ADCY8: variants seen among roughly 807,000 people sequenced by gnomAD.
ADCY8 encodes the protein adenylate cyclase type 8.
In ADCY8, 51 loss-of-function variants were observed where a neutral mutation model predicts 119.7. The ratio of observed to expected loss-of-function variants is 0.43; its 90% CI spans 0.34 to 0.54. ADCY8 has a LOEUF of 0.54. ADCY8 is among the 20% of genes least tolerant of loss of function. The pLI is 0.03. For missense variants in ADCY8, 1,383 were observed against 1,598.8 expected, an observed-to-expected ratio of 0.87 and a Z score of 2.30; for synonymous variants, 665 against 651.0, an observed-to-expected ratio of 1.02 and a Z score of -0.33.
chr8:130,852,577 C>G (rs1453110154), intron 9 of ADCY8, among the ~76,000 whole-genome samples: 1 of 152,164 alleles, frequency 6.6e-6, no homozygotes, highest in Admixed American at 6.5e-5. Context: ...AAAAATGTCT[C>G]TTTTCAAAGT....
intron 7 of ADCY8, among the ~76,000 whole-genome samples, chr8:130,896,685 A>G (rs1274864907): frequency 6.6e-6 from 1 of 152,162 alleles, no homozygotes; most frequent in Non-Finnish European, 1.5e-5. Flanking sequence ...CTAGTTAGGT[A>G]AGATTTTACC....
At chr8:130,859,853 C>A (rs1213272991) in intron 9 of ADCY8, among the ~76,000 whole-genome samples, 1 of 152,122 alleles carries the variant, frequency 6.6e-6, no homozygotes, top group Non-Finnish European at 1.5e-5. Context: ...TTTACCATTT[C>A]TATAGTTTTG....
intron 1 of ADCY8, among the ~76,000 whole-genome samples, chr8:131,006,602 C>G (rs949690266): frequency 1.6e-4 from 24 of 152,250 alleles, no homozygotes; most frequent in African/African-American, 5.8e-4. Flanking sequence ...GCATATGGAA[C>G]ATGAAATCTT....
chr8:130,821,564 G>A (rs547534399), intron 12 of ADCY8, 144 bp from the exon 13 acceptor site: 7 of 620,208 alleles, frequency 1.1e-5, no homozygotes, highest in African/African-American at 3.7e-5. Flanking sequence ...CTGCTCTAAG[G>A]GTTTGCACAT....
intron 1 of ADCY8, among the ~76,000 whole-genome samples, chr8:131,033,647 C>A (rs1824060410): frequency 6.6e-6 from 1 of 152,090 alleles, no homozygotes; most frequent in African/African-American, 2.4e-5. Context: ...GACAACAAGC[C>A]TATTTGCAAC....
At chr8:130,804,075 AG>A (rs1295656159) in intron 14 of ADCY8, among the ~76,000 whole-genome samples, 3 of 152,228 alleles carry the variant, frequency 2.0e-5, no homozygotes, top group Middle Eastern at 3.2e-3. Context: ...GTGCAGCAGG[AG>A]TCAGAGATCC....
intron 5 of ADCY8, among the ~76,000 whole-genome samples, chr8:130,933,980 T>C (rs182610177): frequency 1.6e-4 from 25 of 152,322 alleles, no homozygotes; most frequent in Non-Finnish European, 8.8e-5. Flanking sequence ...TTGTAGGCAA[T>C]AAATTTAATT....
chr8:130,884,474 A>G, intron 8 of ADCY8, 90 bp downstream of exon 8: 1 of 1,419,670 alleles, frequency 7.0e-7, no homozygotes, highest in Non-Finnish European at 9.8e-7. Context: ...AAAGAAACCA[A>G]AACCACAGCC....
rs979963486 is a variant in ADCY8, at chr8:130,818,585, C to T, written c.2754+2757G>A. Among the ~76,000 whole-genome samples the T allele has an allele frequency of 2.6e-5, 4 of 152,208 alleles. No homozygotes were observed. The East Asian group carries it at 7.7e-4, about 29-fold the overall frequency. ...CTCTGGAGATGTTTAATTACACATG[C>T]CCCCACCAGACGCTTCTGCGTACCA... On this transcript the variant is annotated intron_variant, in intron 13 of 17. Transcript: ENST00000286355.
At chr8:130,956,954 C>A (rs899988178) in intron 2 of ADCY8, among the ~76,000 whole-genome samples, 2 of 152,106 alleles carry the variant, frequency 1.3e-5, no homozygotes, top group African/African-American at 4.8e-5. Flanking sequence ...TATAAATTAC[C>A]CAGTCTTGGG....
intron 4 of ADCY8, among the ~76,000 whole-genome samples, chr8:130,937,456 A>C (rs1820821474): frequency 6.6e-6 from 1 of 152,350 alleles, no homozygotes; most frequent in Admixed American, 6.5e-5. Flanking sequence ...GTTATATCCA[A>C]GCTTTGCTAT....
intron 2 of ADCY8, among the ~76,000 whole-genome samples, chr8:130,952,693 A>G (rs1245735937): frequency 6.6e-6 from 1 of 152,182 alleles, no homozygotes; most frequent in Non-Finnish European, 1.5e-5. Context: ...GATTTGGAGA[A>G]TGTGTTCTGG....
intron 9 of ADCY8, 114 bp downstream of exon 9, chr8:130,867,732 C>T (rs918766511): frequency 4.4e-5 from 26 of 594,944 alleles, no homozygotes; most frequent in East Asian, 3.3e-4. Flanking sequence ...TTTTGGTATG[C>T]GTCCTGGACT....
At chr8:130,969,594 T>G (rs1821863247) in intron 2 of ADCY8, among the ~76,000 whole-genome samples, 1 of 152,212 alleles carries the variant, frequency 6.6e-6, no homozygotes, top group African/African-American at 2.4e-5. Flanking sequence ...ACTTCCCAAA[T>G]GTGTTCCTGG....
chr8:130,943,530 A>G, intron 3 of ADCY8, 68 bp from the exon 4 acceptor site: 1 of 898,980 alleles, frequency 1.1e-6, no homozygotes, highest in Middle Eastern at 2.8e-4. Context: ...ATCTTGGGAT[A>G]CACATCAACA....
Position 130,849,661 on chromosome 8 carries a change from G to T in ADCY8, c.2353C>A (p.Arg785=). The part of the protein sequence containing the change: ...CCWINETYLA[R]NVIIFASILI... ...ATGGATGCAAAGATGATGACGTTCC[G>T]GGCCAAATAGGTCTCATTAATCCAA... The change falls in exon 10 of 18, where the codon CGG becomes AGG. Residue 785 remains arginine, a synonymous_variant. Coordinates refer to ENST00000286355, the MANE Select transcript of ADCY8 (RefSeq NM_001115.3). The T allele has an allele frequency of 6.2e-7, 1 of 1,614,050 alleles. No individual in the cohort carries two copies. Among genetic ancestry groups the T allele is most frequent in the Non-Finnish European group, 8.5e-7 (1 of 1,179,930 alleles).
intron 6 of ADCY8, among the ~76,000 whole-genome samples, chr8:130,906,511 C>G (rs530777231): frequency 1.3e-5 from 2 of 152,294 alleles, no homozygotes; most frequent in African/African-American, 4.8e-5. Flanking sequence ...TTCACTGATT[C>G]TTCTGCTGAA....
At chr8:130,959,412 AT>A (rs1821532146) in intron 2 of ADCY8, among the ~76,000 whole-genome samples, 1 of 152,216 alleles carries the variant, frequency 6.6e-6, no homozygotes, top group East Asian at 1.9e-4. Flanking sequence ...TTAGTGTAAC[AT>A]TTAACAGAAA....
intron 1 of ADCY8, among the ~76,000 whole-genome samples, chr8:130,993,304 A>G (rs905578322): frequency 3.3e-5 from 5 of 152,238 alleles, no homozygotes; most frequent in Admixed American, 6.5e-5. Flanking sequence ...CTCAAAGTAT[A>G]CACTGCAAAA....
Sources: allele counts gnomAD v4.1 joint callset (sites outside exome capture counted in the v4.1 genomes callset), GRCh38; gene constraint gnomAD v4.1.1; transcripts MANE v1.5; gene names NCBI Gene and HGNC (gene_info 2026-07-23, HGNC 2026-07-21).